PRAMEF14: variants seen among roughly 807,000 people sequenced by gnomAD.
PRAMEF14 encodes the protein PRAME family member 14.
A neutral mutation model predicts 38.3 loss-of-function variants in PRAMEF14; 24 were observed. That is an observed-to-expected ratio of 0.63 (90% confidence interval 0.45 to 0.88). PRAMEF14 has a LOEUF of 0.88. Among genes scored for constraint, PRAMEF14 ranks in the 40% least tolerant of loss-of-function variants. The pLI is 0.00. For missense variants in PRAMEF14, 477 were observed against 570.8 expected (o/e 0.84, Z 1.67); for synonymous variants, 194 against 226.4 (o/e 0.86, Z 1.29).
intron 1 of PRAMEF14, 37 bp from the exon 2 acceptor site, chr1:13,345,376 T>C (rs1225279438): frequency 1.3e-6 from 2 of 1,568,986 alleles, no homozygotes; most frequent in Non-Finnish European, 8.7e-7. Context: ...ATCACTCTCA[T>C]GGCAAACACA....
Position 13,344,431 on chromosome 1 carries a change from A to G in PRAMEF14, c.473T>C (p.Ile158Thr). The change falls in exon 3 of 4, where the codon ATA (isoleucine) becomes ACA (threonine). Residue 158 changes from isoleucine (I) to threonine (T), a missense_variant. Ile to Thr is a moderately conservative substitution (Grantham distance 89). This residue lies in a region of PRAMEF14 where 234 missense variants were observed against 247.4 expected (regional missense o/e 0.95). Transcript: ENST00000334600. ...GTATCTCAGGCATTCATCCTGGGGT[A>G]TTTCCTTGAGGCAGATGTCTATGAA... ...KVFIDICLKE[I>T]PQDECLRYLF... is the part of the protein sequence containing the mutation. The G allele has an allele frequency of 1.9e-6, 3 of 1,605,806 alleles. No individual in the cohort carries two copies. Among genetic ancestry groups the G allele is most frequent in the South Asian group, 1.1e-5 (1 of 90,540 alleles).
At chr1:13,346,712 T>C (rs1184499531) in intron 1 of PRAMEF14, among the ~76,000 whole-genome samples, 32 of 147,740 alleles carry the variant, frequency 2.2e-4, no homozygotes, top group African/African-American at 6.4e-4. Flanking sequence ...AATGAAAGCA[T>C]ACTTGGAGAA....
chr1:13,344,247 A>G lies in PRAMEF14; in HGVS notation c.657T>C (p.Arg219=). 3 of 1,608,154 alleles carry G rather than the reference A, an allele frequency of 1.9e-6. No homozygotes were observed. The highest frequency in any genetic ancestry group is 2.5e-6 in the Non-Finnish European group (3 of 1,178,246). ...QLEIRNMSWP[R]LIRKLRCYLK... is the part of the protein sequence containing the mutation. The stretch of plus-strand genomic sequence containing the variant: ...GGTAACAACGAAGCTTTCTTATCAG[A>G]CGTGGCCAGGACATGTTGCGAATTT... Residue 219 remains arginine, a synonymous_variant, in exon 3 of 4, where the codon CGT becomes CGC. Coordinates refer to ENST00000334600, the MANE Select transcript of PRAMEF14 (RefSeq NM_001024661.2).
chr1:13,344,376 A>G lies in PRAMEF14; in HGVS notation c.528T>C (p.Gly176=). 6.2e-7 allele frequency: 1 copy of G among 1,605,332 alleles called. No individual in the cohort carries two copies. Among genetic ancestry groups the G allele is most frequent in the Non-Finnish European group, 8.5e-7 (1 of 1,177,182 alleles). ...YLFQWVYQRR[G]LVHLCCSKLV... is the part of the protein sequence containing the mutation. Reference sequence around the variant, plus strand: ...GCTTACTACAGCACAGGTGTACTAAACCTCTCCTTTGGTAAACCCACTGAA... The same window carrying G: ...GCTTACTACAGCACAGGTGTACTAAGCCTCTCCTTTGGTAAACCCACTGAA... The change falls in exon 3 of 4, where the codon GGT becomes GGC. Residue 176 remains glycine (G), a synonymous_variant. Transcript: ENST00000334600.
chr1:13,343,011 GGA>G lies in PRAMEF14; in HGVS notation c.940_941del (p.Ser314ProfsTer24). On this transcript the variant is annotated frameshift_variant, in exon 4 of 4. Coordinates refer to ENST00000334600, the MANE Select transcript of PRAMEF14 (RefSeq NM_001024661.2). LOFTEE classifies it high-confidence loss of function. ...YLLEEDMKCL[S>X]QYPSLGYLKH... ...TTAGGTAACCGAGGCTTGGGTACTG[GGA>G]GAGACACTTCATGTCTTCTTCCAAT... 6.2e-7 allele frequency: 1 copy of G among 1,611,772 alleles called. No individual in the cohort carries two copies. Among genetic ancestry groups the G allele is most frequent in the East Asian group, 2.3e-5 (1 of 44,250 alleles).
intron 2 of PRAMEF14, 95 bp from the exon 3 acceptor site, chr1:13,344,711 T>A (rs1640379257): frequency 6.5e-7 from 1 of 1,537,976 alleles, no homozygotes; most frequent in Non-Finnish European, 8.9e-7. Context: ...GCTCCTGTCC[T>A]CAGTGCTCCC....
rs1306407481 is a variant in PRAMEF14 at position 13,344,940 on chromosome 1, C to G, written c.287+88G>C. ...GCCAACACCATCAGAAGACTCTGGG[C>G]CACACTTGGGCTACTTCTCTGCCTG... On this transcript the variant is annotated intron_variant, in intron 2 of 3. Coordinates refer to ENST00000334600, the MANE Select transcript of PRAMEF14 (RefSeq NM_001024661.2). 8 of 1,542,054 alleles carry G rather than the reference C, an allele frequency of 5.2e-6. 1 individual carries two copies. The East Asian group carries it at 2.0e-4, about 38-fold the overall frequency.
In PRAMEF14 at chr1:13,342,222, A is replaced by C. The variant is rs1186082995; in HGVS notation, c.*306T>G. ...CCCTGCTGTTATGTTTTTTTCCCTC[A>C]CACTGAGCACTTCCCTGTGCTTCCT... is the stretch of plus-strand genomic sequence containing the variant. On this transcript the variant is annotated 3_prime_UTR_variant, in exon 4 of 4. Coordinates refer to ENST00000334600, the MANE Select transcript of PRAMEF14 (RefSeq NM_001024661.2). 6.7e-6 allele frequency: 3 copies of C among 448,450 alleles called. No homozygotes were observed. Among genetic ancestry groups the C allele is most frequent in the African/African-American group, 6.0e-5 (3 of 50,338 alleles). The allele number at this position is 448,450 out of a possible 1,614,324, so 27.8% of individuals were successfully genotyped here.
chr1:13,344,332 G>T lies in PRAMEF14; in HGVS notation c.572C>A (p.Pro191Gln). ...CAATGACTTTCTGAGATGTTTAATC[G>T]GCGTTAGATAATTGACCAGCTTACT... ...CCSKLVNYLTPIKHLRKSLKI... is the reference protein window; with the variant it reads ...CCSKLVNYLTQIKHLRKSLKI... The change falls in exon 3 of 4, where the codon CCG becomes CAG. Residue 191 changes from proline (P) to glutamine (Q), a missense_variant. Physicochemically the swap from Pro to Gln is moderately conservative, Grantham distance 76. Transcript: ENST00000334600. 1 of 1,607,674 alleles carries T rather than the reference G, an allele frequency of 6.2e-7. No individual in the cohort carries two copies. Among genetic ancestry groups the T allele is most frequent in the Admixed American group, 1.7e-5 (1 of 59,820 alleles).
rs1243104990 is a variant in PRAMEF14 at position 13,345,020 on chromosome 1, C to G, written c.287+8G>C. On this transcript the variant is annotated splice_region_variant and intron_variant, in intron 2 of 3. Transcript: ENST00000334600. ...GCCCTATCTACCAGCCCTCCTGGGT[C>G]ACCTCACCTGGGGCGATCCTTCTGT... 2.1e-5 allele frequency: 32 copies of G among 1,497,280 alleles called. No homozygotes were observed. The highest frequency in any genetic ancestry group is 9.1e-5 in the Admixed American group (5 of 54,804). The allele number at this position is 1,497,280 out of a possible 1,614,324, so 92.7% of individuals were successfully genotyped here.
Position 13,344,252 on chromosome 1 carries a change from G to T in PRAMEF14, c.652C>A (p.Pro218Thr), listed in dbSNP as rs1310731220. The change falls in exon 3 of 4, where the codon CCA becomes ACA. Residue 218 changes from proline to threonine, a missense_variant. Coordinates refer to ENST00000334600, the MANE Select transcript of PRAMEF14 (RefSeq NM_001024661.2). ...QQLEIRNMSW[P>T]RLIRKLRCYL... is the part of the protein sequence containing the mutation. Reference sequence around the variant, plus strand: ...CAACGAAGCTTTCTTATCAGACGTGGCCAGGACATGTTGCGAATTTCCAGC... The same window carrying T: ...CAACGAAGCTTTCTTATCAGACGTGTCCAGGACATGTTGCGAATTTCCAGC... The T allele has an allele frequency of 1.2e-6, 2 of 1,606,712 alleles. No individual in the cohort carries two copies. Among genetic ancestry groups the T allele is most frequent in the Non-Finnish European group, 1.7e-6 (2 of 1,177,292 alleles).
At position 13,344,366 on chromosome 1, in the gene PRAMEF14, G is replaced by C. The variant is rs1460035671; in HGVS notation, c.538C>G (p.Leu180Val). 14 of 1,606,552 alleles carry C rather than the reference G, an allele frequency of 8.7e-6. 1 individual carries two copies. The African/African-American group carries it at 1.9e-4, about 22-fold the overall frequency. The change falls in exon 3 of 4, where the codon CTG becomes GTG. Residue 180 changes from leucine to valine, a missense_variant. Physicochemically the swap from Leu to Val is conservative, Grantham distance 32. Transcript: ENST00000334600. ...WVYQRRGLVH[L>V]CCSKLVNYLT... Reference sequence around the variant, plus strand: ...TAATTGACCAGCTTACTACAGCACAGGTGTACTAAACCTCTCCTTTGGTAA... The same window carrying C: ...TAATTGACCAGCTTACTACAGCACACGTGTACTAAACCTCTCCTTTGGTAA...
chr1:13,344,561 T>C lies in PRAMEF14; in HGVS notation c.343A>G (p.Arg115Gly), dbSNP rs1640376993. ...GACAGGGCCCAGGCTCCAGGCCATCTGGCCCAGAAATTCTCATCAACATCC... is the reference window on the plus strand; with the variant it reads ...GACAGGGCCCAGGCTCCAGGCCATCCGGCCCAGAAATTCTCATCAACATCC... ...LRDVDENFWA[R>G]WPGAWALSCF... The change falls in exon 3 of 4, where the codon AGA becomes GGA. Residue 115 changes from arginine to glycine, a missense_variant. Physicochemically the swap from Arg to Gly is moderately radical, Grantham distance 125. Transcript: ENST00000334600. 6.2e-7 allele frequency: 1 copy of C among 1,604,522 alleles called. No homozygotes were observed. The highest frequency in any genetic ancestry group is 8.5e-7 in the Non-Finnish European group (1 of 1,177,102).
chr1:13,345,440 A>T, intron 1 of PRAMEF14, 101 bp from the exon 2 acceptor site: 2 of 1,372,156 alleles, frequency 1.5e-6, no homozygotes, highest in Admixed American at 4.5e-5. Context: ...CCAAGGAGGG[A>T]GGGGTCAAGG....
Position 13,344,209 on chromosome 1 carries a change from T to A in PRAMEF14, c.695A>T (p.Lys232Met). 1 of 1,608,788 alleles carries A rather than the reference T, an allele frequency of 6.2e-7. No homozygotes were observed. The highest frequency in any genetic ancestry group is 8.5e-7 in the Non-Finnish European group (1 of 1,178,686). The change falls in exon 3 of 4, where the codon AAG becomes ATG. Residue 232 changes from lysine to methionine, a missense_variant. This residue lies in a region of PRAMEF14 where 234 missense variants were observed against 247.4 expected (regional missense o/e 0.95). Transcript: ENST00000334600. The stretch of plus-strand genomic sequence containing the variant: ...GGAGAAAACGAGTTTGCGAAGATTC[T>A]TCATCTCCTTCAGGTAACAACGAAG... ...RKLRCYLKEM[K>M]NLRKLVFSRC...
rs561455540 is a variant in PRAMEF14, at chr1:13,342,429, A to T, written c.*99T>A. 1.3e-3 allele frequency: 1,997 copies of T among 1,489,790 alleles called. 30 individuals are homozygous for T. In the African/African-American group the frequency reaches 0.025, roughly 19 times the overall value. The allele number at this position is 1,489,790 out of a possible 1,614,324, so 92.3% of individuals were successfully genotyped here. ...GAATTATTAAAAAATGAAATAAATA[A>T]GAAAAGAGAAAAATAGTTTGCACCT... is the stretch of plus-strand genomic sequence containing the variant. On this transcript the variant is annotated 3_prime_UTR_variant, in exon 4 of 4. Coordinates refer to ENST00000334600, the MANE Select transcript of PRAMEF14 (RefSeq NM_001024661.2).
chr1:13,344,917 C>T, intron 2 of PRAMEF14, 111 bp downstream of exon 2: 2 of 1,548,210 alleles, frequency 1.3e-6, no homozygotes, highest in Non-Finnish European at 1.8e-6. Flanking sequence ...TCTTCCTCGC[C>T]AACACCATCA....
rs1200154167 is a variant in PRAMEF14 at position 13,344,368 on chromosome 1, T to C, written c.536A>G (p.His179Arg). 1.2e-6 allele frequency: 2 copies of C among 1,606,316 alleles called. No individual in the cohort carries two copies. The highest frequency in any genetic ancestry group is 4.7e-5 in the East Asian group (2 of 42,150). The part of the protein sequence containing the change: ...QWVYQRRGLV[H>R]LCCSKLVNYL... ...ATTGACCAGCTTACTACAGCACAGG[T>C]GTACTAAACCTCTCCTTTGGTAAAC... Residue 179 changes from histidine (H) to arginine (R), a missense_variant, in exon 3 of 4, where the codon CAC (histidine) becomes CGC (arginine). This residue lies in a region of PRAMEF14 where 234 missense variants were observed against 247.4 expected (regional missense o/e 0.95). Coordinates refer to ENST00000334600, the MANE Select transcript of PRAMEF14 (RefSeq NM_001024661.2).
chr1:13,342,621 G>C lies in PRAMEF14; in HGVS notation c.1332C>G (p.Val444=), dbSNP rs1640343348. The stretch of plus-strand genomic sequence containing the variant: ...CAATGAAGATCCTCTTGGGCTGCCT[G>C]ACTTCCCTCAGTGTACACATCAGCT... ...RAELMCTLRE[V]RQPKRIFIGP... is the part of the protein sequence containing the mutation. The change falls in exon 4 of 4, where the codon GTC becomes GTG. Residue 444 remains valine, a synonymous_variant. Transcript: ENST00000334600. 8 of 1,604,896 alleles carry C rather than the reference G, an allele frequency of 5.0e-6. 2 individuals carry two copies. The South Asian group carries it at 6.6e-5, about 13-fold the overall frequency.
Sources: gnomAD v4.1 joint callset for allele counts (sites outside exome capture counted in the v4.1 genomes callset) on GRCh38, gnomAD v4.1.1 for gene constraint, gnomAD v4.1.1 regional missense constraint, MANE v1.5 for transcripts, NCBI Gene and HGNC (gene_info 2026-07-23, HGNC 2026-07-21) for gene names.